Variants in SLC6A9 observed in about 807,000 individuals in gnomAD.
SLC6A9 encodes the protein solute carrier family 6 member 9.
A neutral mutation model predicts 70.9 loss-of-function variants in SLC6A9; 31 were observed. That is an observed-to-expected ratio of 0.44 (90% CI 0.33 to 0.59). The LOEUF (loss-of-function observed/expected upper bound fraction) is 0.59, where lower values mean the gene tolerates loss of function less well. Ranked by LOEUF, SLC6A9 falls within the 20% of genes least tolerant of loss-of-function variation. The probability of loss-of-function intolerance (pLI) is 0.04; values close to 1 mark genes in which losing one functional copy is unlikely to be tolerated. For missense variants in SLC6A9, 631 were observed against 845.2 expected, an observed-to-expected ratio of 0.75 and a Z score of 3.14; for synonymous variants, 310 against 341.3, an observed-to-expected ratio of 0.91 and a Z score of 1.01.
chr1:44,017,333 G>C, intron 2 of SLC6A9: 2 of 1,392,654 alleles, frequency 1.4e-6, no homozygotes, highest in South Asian at 3.2e-5. Context: ...GGGGTTTGTT[G>C]TGTTTTTCCC....
intron 2 of SLC6A9, among the ~76,000 whole-genome samples, chr1:44,019,878 G>A (rs571320577): frequency 2.0e-5 from 3 of 150,144 alleles, no homozygotes; most frequent in East Asian, 1.9e-4. Context: ...GAGAAGTGCC[G>A]GGGATGGGGG....
chr1:43,997,605 C>T lies in SLC6A9; in HGVS notation c.1842G>A (p.Lys614=), dbSNP rs757378898. The T allele has an allele frequency of 1.1e-5, 18 of 1,613,874 alleles. No homozygotes were observed. Among genetic ancestry groups the T allele is most frequent in the African/African-American group, 1.3e-5 (1 of 74,932 alleles). The change falls in exon 14 of 14, where the codon AAG becomes AAA. Residue 614 remains lysine, a synonymous_variant. Transcript: ENST00000372310. This position sits in a 1 kb window ranked among gnomAD's most constrained non-coding sequence, Gnocchi z 4.4. Reference sequence around the variant, plus strand: ...TACTGCCCACAATGGGGATCTGCGCCTTGTCCGGGTGCAGTGGCTGGACCT... The same window carrying T: ...TACTGCCCACAATGGGGATCTGCGCTTTGTCCGGGTGCAGTGGCTGGACCT... ...GFEVQPLHPD[K]AQIPIVGSNG...
intron 1 of SLC6A9, among the ~76,000 whole-genome samples, chr1:44,030,163 C>G (rs1057465847): frequency 6.6e-6 from 1 of 152,090 alleles, no homozygotes; most frequent in Non-Finnish European, 1.5e-5. Flanking sequence ...GGGGCGCGGT[C>G]GGTCTGGGAG....
rs115868956 is a variant in SLC6A9 at position 44,016,127 on chromosome 1, T to G, written c.31-5245A>C. On this transcript the variant is annotated intron_variant, in intron 2 of 13. Coordinates refer to ENST00000372310, the MANE Select transcript of SLC6A9 (RefSeq NM_001024845.3). ...CCGGGCTCCACTCCAGGCCCTGGGG[T>G]GAGTGATGGAGGACCCTGGGTGGAC... Among the ~76,000 whole-genome samples, 1,193 of 152,112 alleles carry G rather than the reference T, an allele frequency of 7.8e-3. 13 individuals are homozygous for G. The highest frequency in any genetic ancestry group is 0.028 in the African/African-American group (1,154 of 41,496).
rs772084161 is a variant in SLC6A9 at position 44,001,609 on chromosome 1, G to A, written c.981C>T (p.Ser327=). 16 of 1,613,560 alleles carry A rather than the reference G, an allele frequency of 9.9e-6. No individual in the cohort carries two copies. The highest frequency in any genetic ancestry group is 3.3e-5 in the Admixed American group (2 of 59,976). ...AGACGCTGGTGGCACAGTTGGTGAT[G>A]CTGATGATGACACTGTCCCTGATGG... ...NNCYRDSVII[S]ITNCATSVYA... The change falls in exon 9 of 14, where the codon AGC becomes AGT. Residue 327 remains serine, a synonymous_variant. Coordinates refer to ENST00000372310, the MANE Select transcript of SLC6A9 (RefSeq NM_001024845.3).
At chr1:44,014,517 A>C (rs1176408895) in intron 2 of SLC6A9, 1 of 152,132 alleles carries the variant, frequency 6.6e-6, no homozygotes, top group Non-Finnish European at 1.5e-5. Context: ...TTGAGACAGG[A>C]GTGTCCACCC....
chr1:44,016,740 C>T (rs960505598), intron 2 of SLC6A9, among the ~76,000 whole-genome samples: 4 of 152,060 alleles, frequency 2.6e-5, no homozygotes, highest in African/African-American at 4.8e-5. Context: ...ACCTCCGGCC[C>T]GTCTCCCCGG....
At position 44,018,597 on chromosome 1, in the gene SLC6A9, A is replaced by AAAT. The variant is rs143546820; in HGVS notation, c.30+5648_30+5650dup. 0.057 allele frequency among the ~76,000 whole-genome samples: 8,048 copies of AAAT among 142,196 alleles called. 567 individuals are homozygous for AAAT. The highest frequency in any genetic ancestry group is 0.17 in the African/African-American group (6,345 of 38,128). The allele number at this position is 142,196 out of a possible 152,430, so 93.3% of individuals were successfully genotyped here. A position where few individuals can be genotyped will look rare whatever the true frequency, so the allele number is the denominator to read the frequency against. On this transcript the variant is annotated intron_variant, in intron 2 of 13. Transcript: ENST00000372310. This position sits in a 1 kb window ranked among gnomAD's most constrained non-coding sequence, Gnocchi z 4.2. ...CAGCAAGAGCAAAACTCTCTCTCTA[A>AAAT]AATAATAATAATAATAATAATAATA...
In SLC6A9 at chr1:44,000,989, A is replaced by G; in HGVS notation, c.1402T>C (p.Cys468Arg). 1 of 1,590,704 alleles carries G rather than the reference A, an allele frequency of 6.3e-7. No individual in the cohort carries two copies. The highest frequency in any genetic ancestry group is 8.6e-7 in the Non-Finnish European group (1 of 1,166,658). Reference sequence around the variant, plus strand: ...TACATGATGGCCACACACATGATGCAGGAGATGACCACCAAGGAGAAGCTG... The same window carrying G: ...TACATGATGGCCACACACATGATGCGGGAGATGACCACCAAGGAGAAGCTG... The part of the protein sequence containing the change: ...AASFSLVVIS[C>R]IMCVAIMYIY... Residue 468 changes from cysteine to arginine, a missense_variant, in exon 11 of 14, where the codon TGC (cysteine) becomes CGC (arginine). Cys to Arg is a radical substitution (Grantham distance 180, BLOSUM62 -3). Coordinates refer to ENST00000372310, the MANE Select transcript of SLC6A9 (RefSeq NM_001024845.3).
At chr1:44,017,017 G>T in intron 2 of SLC6A9, 1 of 1,562,688 alleles carries the variant, frequency 6.4e-7, no homozygotes, top group Non-Finnish European at 8.6e-7. Flanking sequence ...GCACCAAGGA[G>T]GGGGCTCAAC....
At chr1:44,015,040 C>T (rs982727675) in intron 2 of SLC6A9, among the ~76,000 whole-genome samples, 1 of 152,194 alleles carries the variant, frequency 6.6e-6, no homozygotes, top group African/African-American at 2.4e-5. Context: ...TTCCCCTGTA[C>T]ATTCCATTAG....
At chr1:44,021,329 G>T (rs2086879558) in intron 2 of SLC6A9, among the ~76,000 whole-genome samples, 1 of 152,196 alleles carries the variant, frequency 6.6e-6, no homozygotes, top group African/African-American at 2.4e-5. Context: ...CGTGAGGGAG[G>T]CAGCTGAGCT....
At chr1:44,030,372 C>T (rs1238703288) in intron 1 of SLC6A9, 1 of 152,410 alleles carries the variant, frequency 6.6e-6, no homozygotes, top group East Asian at 1.9e-4. Flanking sequence ...GGCCCCGCCC[C>T]CGGGCCGGCA....
intron 2 of SLC6A9, chr1:44,017,364 G>T: frequency 3.2e-6 from 4 of 1,245,396 alleles, no homozygotes; most frequent in East Asian, 3.7e-5. Context: ...CAAGTAACTG[G>T]AACAACACAC....
At chr1:44,027,285 G>A (rs918953279) in intron 1 of SLC6A9, among the ~76,000 whole-genome samples, 1 of 152,194 alleles carries the variant, frequency 6.6e-6, no homozygotes, top group African/African-American at 2.4e-5. Flanking sequence ...CACCAGGTAT[G>A]TGATTTCGAG....
At chr1:44,026,413 C>T (rs186894594) in intron 1 of SLC6A9, among the ~76,000 whole-genome samples, 7 of 152,304 alleles carry the variant, frequency 4.6e-5, no homozygotes, top group Admixed American at 3.3e-4. Flanking sequence ...AATCCCAGCA[C>T]TTTGGGAGGC....
rs1323377469 is a variant in SLC6A9 at position 43,997,442 on chromosome 1, C to G, written c.*103G>C. 7.8e-6 allele frequency: 8 copies of G among 1,020,230 alleles called. No homozygotes were observed. Among genetic ancestry groups the G allele is most frequent in the Non-Finnish European group, 1.2e-5 (8 of 663,188 alleles). 63.2% of individuals were successfully genotyped at this position (1,020,230 alleles called of 1,614,324 possible). A position where few individuals can be genotyped will look rare whatever the true frequency, so the allele number is the denominator to read the frequency against. ...CCAAGGTGACAGCAGCCGTCCTGGCCAGGGCGTGGCAGGGGGCAGGCAGAG... is the reference window on the plus strand; with the variant it reads ...CCAAGGTGACAGCAGCCGTCCTGGCGAGGGCGTGGCAGGGGGCAGGCAGAG... On this transcript the variant is annotated 3_prime_UTR_variant, in exon 14 of 14. Coordinates refer to ENST00000372310, the MANE Select transcript of SLC6A9 (RefSeq NM_001024845.3). The surrounding 1 kb of genome is among the most constrained non-coding windows in gnomAD (Gnocchi z 4.4).
intron 1 of SLC6A9, 140 bp downstream of exon 1, chr1:44,031,166 T>TCTCACACACA (rs1553165392): frequency 6.7e-6 from 1 of 148,200 alleles, no homozygotes; most frequent in African/African-American, 2.5e-5. Context: ...ACATGCGCGA[T>TCTCACACACA]CACACACACA....
rs754628687 is a variant in SLC6A9 at position 43,997,619 on chromosome 1, G to A, written c.1828C>T (p.Leu610=). The A allele has an allele frequency of 2.5e-6, 4 of 1,613,922 alleles. No individual in the cohort carries two copies. In the African/African-American group the frequency reaches 5.3e-5, roughly 22 times the overall value. ...SPEDGFEVQP[L]HPDKAQIPIV... ...GGGATCTGCGCCTTGTCCGGGTGCA[G>A]TGGCTGGACCTCGAAGCCGTCCTCA... Residue 610 remains leucine, a synonymous_variant, in exon 14 of 14, where the codon CTG becomes TTG. Transcript: ENST00000372310. The surrounding 1 kb of genome is among the most constrained non-coding windows in gnomAD (Gnocchi z 4.4).
Sources: gnomAD v4.1 joint callset for allele counts (sites outside exome capture counted in the v4.1 genomes callset) on GRCh38, gnomAD v4.1.1 for gene constraint, Gnocchi (gnomAD v3.1) non-coding constraint, MANE v1.5 for transcripts, NCBI Gene and HGNC (gene_info 2026-07-23, HGNC 2026-07-21) for gene names.